Variants in MUTYH observed in about 807,000 individuals in gnomAD.
The protein encoded by MUTYH is adenine DNA glycosylase.
In MUTYH, 64 loss-of-function variants were observed where a neutral mutation model predicts 72.9. That is an observed-to-expected ratio of 0.88 (90% CI 0.72 to 1.08). MUTYH has a LOEUF of 1.08. Among genes scored for constraint, MUTYH ranks in the 50% least tolerant of loss-of-function variants. The pLI is 0.00. For missense variants in MUTYH, 633 were observed against 671.0 expected (o/e 0.94, Z 0.63); for synonymous variants, 234 against 263.1 (o/e 0.89, Z 1.07).
rs141679570 is a variant in MUTYH, at chr1:45,334,419, G to C, written c.87C>G (p.Asn29Lys). 1 of 1,614,166 alleles carries C rather than the reference G, an allele frequency of 6.2e-7. No individual in the cohort carries two copies. The highest frequency in any genetic ancestry group is 8.5e-7 in the Non-Finnish European group (1 of 1,180,020). The stretch of plus-strand genomic sequence containing the variant: ...CACAGGCAGAAGGCTTGGCCTGACT[G>C]TTGTTCTTAGCATGCTTCTGCCTCC... ...QEGRQKHAKN[N>K]SQAKPSACDG... The change falls in exon 2 of 16, where the codon AAC (asparagine) becomes AAG (lysine). Residue 29 changes from asparagine (N) to lysine (K), a missense_variant. Coordinates refer to ENST00000456914, the MANE Select transcript of MUTYH (RefSeq NM_001048174.2).
At chr1:45,340,209 TC>T (rs2149248491), upstream of MUTYH, 1 of 1,613,674 alleles carries the variant, frequency 6.2e-7, no homozygotes, top group Non-Finnish European at 8.5e-7. Flanking sequence ...GGACCGCAAG[TC>T]CAGCGTACCC....
rs768671057 is a variant in MUTYH at position 45,329,360 on chromosome 1, G to A, written c.1512C>T (p.Phe504=). 1 of 1,614,214 alleles carries A rather than the reference G, an allele frequency of 6.2e-7. No individual in the cohort carries two copies. The highest frequency in any genetic ancestry group is 8.5e-7 in the Non-Finnish European group (1 of 1,180,040). The part of the protein sequence containing the change: ...PRMGQQVLDN[F]FRSHISTDAH... ...CATCAGTGGAGATGTGAGACCGAAA[G>A]AAATTATCCAGGACTTGCTGGCCCA... The change falls in exon 16 of 16, where the codon TTC becomes TTT. Residue 504 remains phenylalanine (F), a synonymous_variant. Transcript: ENST00000456914.
Position 45,331,338 on chromosome 1 carries a change from GAGGA to G in MUTYH, c.1240-8_1240-5del, listed in dbSNP as rs781479684. ...TGTGAGAGAAGGTGTGGACAACCTG[GAGGA>G]AGGGTCAAGGGGTTCAAATAGGCCT... On this transcript the variant is annotated splice_polypyrimidine_tract_variant and splice_region_variant and intron_variant, in intron 13 of 15. Transcript: ENST00000456914. 2.5e-6 allele frequency: 4 copies of G among 1,614,102 alleles called. No homozygotes were observed. The highest frequency in any genetic ancestry group is 2.7e-5 in the African/African-American group (2 of 74,930).
At chr1:45,329,586 C>T in intron 15 of MUTYH, 149 bp from the exon 16 acceptor site, 2 of 1,154,824 alleles carry the variant, frequency 1.7e-6, no homozygotes, top group Non-Finnish European at 2.4e-6. Context: ...CCTCAAGTAT[C>T]TGCCCCATCA....
intron 2 of MUTYH, chr1:45,334,092 T>C: frequency 2.4e-6 from 1 of 409,206 alleles, no homozygotes; most frequent in South Asian, 2.1e-5. Flanking sequence ...GTGCAACTTC[T>C]GCCTTCCAGG....
chr1:45,340,343 G>C, upstream of MUTYH: 1 of 1,594,840 alleles, frequency 6.3e-7, no homozygotes, highest in East Asian at 2.3e-5. Flanking sequence ...AAGCCTCTGC[G>C]CTCTGGGAGA....
intron 1 of MUTYH, among the ~76,000 whole-genome samples, chr1:45,336,850 T>C (rs1483726672): frequency 2.0e-5 from 3 of 152,192 alleles, no homozygotes; most frequent in African/African-American, 7.2e-5. Flanking sequence ...TGTAGGGAGA[T>C]GGGTAATCAC....
rs1646664686 is a variant in MUTYH, at chr1:45,339,743, T to C, written c.-7+156A>G. 4.1e-6 allele frequency: 4 copies of C among 980,292 alleles called. No individual in the cohort carries two copies. In the Admixed American group the frequency reaches 7.1e-5, roughly 18 times the overall value. The allele number at this position is 980,292 out of a possible 1,614,324, so 60.7% of individuals were successfully genotyped here. ...TTTCACTTTCTGGAGATCACTGAGC[T>C]CTCCATCCTCTCTGGGAATTTACCG... On this transcript the variant is annotated intron_variant, in intron 1 of 15. Coordinates refer to ENST00000456914, the MANE Select transcript of MUTYH (RefSeq NM_001048174.2).
In MUTYH at chr1:45,329,401, G is replaced by T. The variant is rs754364718; in HGVS notation, c.1471C>A (p.Arg491=). 1.9e-6 allele frequency: 3 copies of T among 1,614,104 alleles called. No individual in the cohort carries two copies. The East Asian group carries it at 6.7e-5, about 36-fold the overall frequency. Residue 491 remains arginine (R), a synonymous_variant, in exon 16 of 16, where the codon CGG becomes AGG. Coordinates refer to ENST00000456914, the MANE Select transcript of MUTYH (RefSeq NM_001048174.2). ...KRSQVSSPCS[R]KKPRMGQQVL... The stretch of plus-strand genomic sequence containing the variant: ...TGCTGGCCCATGCGGGGCTTTTTCC[G>T]ACTGCACGGAGAGGACACCTGGGAC...
In MUTYH at chr1:45,331,175, GTAGTGCC is replaced by G. The variant is rs864621967; in HGVS notation, c.1392_1392+6del. On this transcript the variant is annotated splice_donor_variant and splice_donor_5th_base_variant and coding_sequence_variant and intron_variant, in exon 14 of 16. Coordinates refer to ENST00000456914, the MANE Select transcript of MUTYH (RefSeq NM_001048174.2). LOFTEE classifies it high-confidence loss of function. The stretch of plus-strand genomic sequence containing the variant: ...AGGAAGTACAACAAAGACAACAAAG[GTAGTGCC>G]TTTTTCATGGCGGTGGAAACAGCTG... The G allele has an allele frequency of 5.6e-6, 9 of 1,614,164 alleles. No individual in the cohort carries two copies. Among genetic ancestry groups the G allele is most frequent in the Non-Finnish European group, 5.9e-6 (7 of 1,179,990 alleles).
At chr1:45,331,942 A>T in intron 11 of MUTYH, 81 bp downstream of exon 11, 1 of 1,611,950 alleles carries the variant, frequency 6.2e-7, no homozygotes, top group Non-Finnish European at 8.5e-7. Flanking sequence ...GCAGAATCTT[A>T]CTCAGGTTAG....
Position 45,331,185 on chromosome 1 carries a change from T to C in MUTYH, c.1389A>G (p.Lys463=), listed in dbSNP as rs1393979949. ...ACAAAGACAACAAAGGTAGTGCCTTTTTCATGGCGGTGGAAACAGCTGCGG... is the reference window on the plus strand; with the variant it reads ...ACAAAGACAACAAAGGTAGTGCCTTCTTCATGGCGGTGGAAACAGCTGCGG... ...FHTAAVSTAM[K]KVFRVYQGQQ... Residue 463 remains lysine (K), a synonymous_variant, in exon 14 of 16, where the codon AAA becomes AAG. Coordinates refer to ENST00000456914, the MANE Select transcript of MUTYH (RefSeq NM_001048174.2). The C allele has an allele frequency of 2.5e-6, 4 of 1,614,230 alleles. No homozygotes were observed. Among genetic ancestry groups the C allele is most frequent in the Non-Finnish European group, 2.5e-6 (3 of 1,180,040 alleles).
chr1:45,338,168 A>G (rs1570530224), intron 1 of MUTYH: 2 of 517,624 alleles, frequency 3.9e-6, no homozygotes, highest in African/African-American at 3.8e-5. Context: ...AGGTGGGGAG[A>G]GGAGGGTCAC....
At chr1:45,338,901 C>T (rs1197706586) in intron 1 of MUTYH, among the ~76,000 whole-genome samples, 2 of 152,008 alleles carry the variant, frequency 1.3e-5, no homozygotes, top group Non-Finnish European at 2.9e-5. Flanking sequence ...GTAGCTGGGA[C>T]TACAGGTGCG....
intron 1 of MUTYH, among the ~76,000 whole-genome samples, chr1:45,339,005 G>A (rs1406406340): frequency 6.6e-6 from 1 of 151,926 alleles, no homozygotes; most frequent in East Asian, 1.9e-4. Context: ...AGGGTCAAGC[G>A]ATCCTCCCAC....
chr1:45,330,540 C>T lies in MUTYH; in HGVS notation c.1410G>A (p.Gln470=). Residue 470 remains glutamine (Q), a synonymous_variant, in exon 15 of 16, where the codon CAG becomes CAA. Transcript: ENST00000456914. ...TAMKKVFRVY[Q]GQQPGTCMGS... is the part of the protein sequence containing the mutation. ...CCATACAGGTCCCTGGCTGTTGGCC[C>T]TGATACACACGGAAAACCTAGACAA... 1 of 1,609,542 alleles carries T rather than the reference C, an allele frequency of 6.2e-7. No homozygotes were observed. The highest frequency in any genetic ancestry group is 2.2e-5 in the East Asian group (1 of 44,766).
chr1:45,340,016 C>T, upstream of MUTYH: 1 of 1,540,116 alleles, frequency 6.5e-7, no homozygotes, highest in Non-Finnish European at 8.8e-7. Context: ...CGGCGCACTC[C>T]AGGGGGCGTG....
At position 45,332,806 on chromosome 1, in the gene MUTYH, C is replaced by G. The variant is rs1553128962; in HGVS notation, c.449G>C (p.Gly150Ala). Reference protein sequence around the residue: ...EEVNQLWAGLGYYSRGRRLQE... With the variant: ...EEVNQLWAGLAYYSRGRRLQE... ...CAGCCGCCGGCCACGAGAATAGTAG[C>G]CCAGGCCAGCCCAGAGTTGATTCAC... The change falls in exon 7 of 16, where the codon GGC becomes GCC. Residue 150 changes from glycine (G) to alanine (A), a missense_variant. By Grantham distance (60) the Gly-to-Ala change is moderately conservative. Transcript: ENST00000456914. The G allele has an allele frequency of 1.2e-6, 2 of 1,614,174 alleles. No individual in the cohort carries two copies. The highest frequency in any genetic ancestry group is 8.5e-7 in the Non-Finnish European group (1 of 1,180,022).
chr1:45,339,737 C>G, intron 1 of MUTYH, 162 bp downstream of exon 1: 1 of 959,920 alleles, frequency 1.0e-6, no homozygotes, highest in Non-Finnish European at 1.5e-6. Flanking sequence ...CTGGAGATCA[C>G]TGAGCTCTCC....
Sources: gnomAD v4.1 joint callset for allele counts (sites outside exome capture counted in the v4.1 genomes callset) on GRCh38, gnomAD v4.1.1 for gene constraint, MANE v1.5 for transcripts, NCBI Gene and HGNC (gene_info 2026-07-23, HGNC 2026-07-21) for gene names.